Variants in JADE1 observed in about 807,000 individuals in gnomAD.
JADE1 encodes the protein jade family PHD finger 1, also known as protein Jade-1.
In JADE1, 14 loss-of-function variants were observed where a neutral mutation model predicts 81.8. The observed-to-expected ratio is 0.17, with a 90% CI of 0.11 to 0.27. The LOEUF is 0.27. Ranked by LOEUF, JADE1 falls within the 10% of genes least tolerant of loss-of-function variation. The pLI, the probability that JADE1 is intolerant of heterozygous loss-of-function variation, is 1.00. For missense variants in JADE1, 690 were observed against 1,047.9 expected, an observed-to-expected ratio of 0.66 and a Z score of 4.71; for synonymous variants, 353 against 391.9, an observed-to-expected ratio of 0.90 and a Z score of 1.17.
rs187415028 is a variant in JADE1, at chr4:128,859,321, C to T, written c.981+1867C>T. On this transcript the variant is annotated intron_variant, in intron 8 of 10. Coordinates refer to ENST00000226319, the MANE Select transcript of JADE1 (RefSeq NM_199320.4). ...GTGTATGCATGTGTATTTGGTTATG[C>T]ATATGTATGCTGTATGCATGTATGC... Among the ~76,000 whole-genome samples the T allele has an allele frequency of 1.1e-3, 173 of 151,440 alleles. 2 individuals carry two copies. Among genetic ancestry groups the T allele is most frequent in the Non-Finnish European group, 4.1e-4 (28 of 67,868 alleles).
rs1201744958 is a variant in JADE1, at chr4:128,842,841, A to G, written c.53-112A>G. 8 of 822,074 alleles carry G rather than the reference A, an allele frequency of 9.7e-6. No individual in the cohort carries two copies. In the Admixed American group the frequency reaches 1.4e-4, roughly 14 times the overall value. 50.9% of individuals were successfully genotyped at this position (822,074 alleles called of 1,614,324 possible). ...CCAGGAGGGCATCACAGGTGGTCTC[A>G]TGGTGCAGTGCTGAGGTGAGCCTGG... On this transcript the variant is annotated intron_variant, in intron 2 of 10. Coordinates refer to ENST00000226319, the MANE Select transcript of JADE1 (RefSeq NM_199320.4).
At chr4:128,824,660 A>G (rs1727885306) in intron 1 of JADE1, among the ~76,000 whole-genome samples, 2 of 152,220 alleles carry the variant, frequency 1.3e-5, no homozygotes, top group African/African-American at 4.8e-5. Context: ...ACATAAGGTA[A>G]CAGTACGGGA....
At chr4:128,863,544 G>A in intron 9 of JADE1, 1 of 985,408 alleles carries the variant, frequency 1.0e-6, no homozygotes, top group Non-Finnish European at 1.2e-6. Context: ...ACGACTGAGT[G>A]CCAGCTTATT....
chr4:128,835,999 G>A (rs376737901), intron 2 of JADE1, among the ~76,000 whole-genome samples: 8 of 152,176 alleles, frequency 5.3e-5, no homozygotes, highest in Non-Finnish European at 8.8e-5. Flanking sequence ...GGTGTTTGCA[G>A]GCAGCGTCTG....
rs1394692666 is a variant in JADE1, at chr4:128,812,453, C to T, written c.-27+2576C>T. On this transcript the variant is annotated intron_variant, in intron 1 of 10. Coordinates refer to ENST00000226319, the MANE Select transcript of JADE1 (RefSeq NM_199320.4). The stretch of plus-strand genomic sequence containing the variant: ...TCCCCCACAACCCCGGGGTGCCCCC[C>T]TTGCTGGGATCCTTAGCCTTCTCAC... Among the ~76,000 whole-genome samples the T allele has an allele frequency of 3.3e-5, 5 of 152,010 alleles. No individual in the cohort carries two copies. In the South Asian group the frequency reaches 1.0e-3, roughly 31 times the overall value.
intron 1 of JADE1, among the ~76,000 whole-genome samples, chr4:128,831,140 G>A (rs1034348784): frequency 6.6e-6 from 1 of 152,198 alleles, no homozygotes; most frequent in Non-Finnish European, 1.5e-5. Flanking sequence ...GATCAAAATT[G>A]TATAATGTCT....
In JADE1 at chr4:128,856,049, G is replaced by C. The variant is rs182917715; in HGVS notation, c.864+252G>C. Reference sequence around the variant, plus strand: ...GACCTGGCTGGTCTCAAACTCCTGGGATCAAGCAGTCCTCTTTCCTTGGCT... The same window carrying C: ...GACCTGGCTGGTCTCAAACTCCTGGCATCAAGCAGTCCTCTTTCCTTGGCT... On this transcript the variant is annotated intron_variant, in intron 7 of 10. Coordinates refer to ENST00000226319, the MANE Select transcript of JADE1 (RefSeq NM_199320.4). Among the ~76,000 whole-genome samples the C allele has an allele frequency of 5.6e-3, 859 of 152,178 alleles. 14 individuals are homozygous for C. The highest frequency in any genetic ancestry group is 0.02 in the African/African-American group (822 of 41,530).
Position 128,846,248 on chromosome 4 carries a change from T to C in JADE1, c.139-127T>C. 1.1e-6 allele frequency: 1 copy of C among 943,378 alleles called. No homozygotes were observed. The highest frequency in any genetic ancestry group is 2.1e-5 in the Admixed American group (1 of 46,998). 58.4% of individuals were successfully genotyped at this position (943,378 alleles called of 1,614,324 possible). A position where few individuals can be genotyped will look rare whatever the true frequency, so the allele number is the denominator to read the frequency against. ...TCAGGCAAAGTTTTTCTGTAATAGG[T>C]CAGGCTTGTTCTATGTTGATACAGT... On this transcript the variant is annotated intron_variant, in intron 3 of 10. Transcript: ENST00000226319. The surrounding 1 kb of genome is among the most constrained non-coding windows in gnomAD (Gnocchi z 4.0).
intron 9 of JADE1, among the ~76,000 whole-genome samples, chr4:128,866,104 G>A (rs1731760747): frequency 6.6e-6 from 1 of 152,204 alleles, no homozygotes; most frequent in Admixed American, 6.5e-5. Flanking sequence ...AGAGGAGGAT[G>A]TTAGCCACTT....
intron 7 of JADE1, 127 bp downstream of exon 7, chr4:128,855,924 A>T: frequency 2.9e-6 from 2 of 693,740 alleles, no homozygotes; most frequent in Non-Finnish European, 2.3e-6. Context: ...GGCTCAAGTG[A>T]TCCTCCCACC....
At chr4:128,863,405 AAC>A in intron 9 of JADE1, 1 of 985,502 alleles carries the variant, frequency 1.0e-6, no homozygotes, top group Middle Eastern at 5.2e-4. Context: ...AGTGGCCTGA[AAC>A]AGTGTAGGGA....
At chr4:128,852,347 AG>A (rs1273962633) in intron 6 of JADE1, 79 bp downstream of exon 6, 15 of 1,151,428 alleles carry the variant, frequency 1.3e-5, no homozygotes, top group Middle Eastern at 2.8e-4. Flanking sequence ...CCTGGAGTCC[AG>A]GATTCTTCCT....
intron 1 of JADE1, among the ~76,000 whole-genome samples, chr4:128,823,488 G>T (rs1727763195): frequency 6.6e-6 from 1 of 152,164 alleles, no homozygotes; most frequent in Non-Finnish European, 1.5e-5. Context: ...TATGTGGTCA[G>T]TTATCATAAT....
intron 1 of JADE1, among the ~76,000 whole-genome samples, chr4:128,830,199 A>G (rs956177573): frequency 6.7e-6 from 1 of 149,538 alleles, no homozygotes; most frequent in African/African-American, 2.5e-5. Flanking sequence ...TTTTTTCTCC[A>G]CACCATTCCT....
chr4:128,824,421 AAAAAT>A (rs70938442), intron 1 of JADE1, among the ~76,000 whole-genome samples: 29,014 of 151,882 alleles, frequency 0.19, 2,836 homozygotes, highest in Middle Eastern at 0.29. Flanking sequence ...CCAACTCAAA[AAAAAT>A]AAAATAAAAG....
intron 1 of JADE1, among the ~76,000 whole-genome samples, chr4:128,827,537 T>C (rs1728184277): frequency 6.6e-6 from 1 of 152,166 alleles, no homozygotes; most frequent in Admixed American, 6.5e-5. Flanking sequence ...TGGGGCTTGC[T>C]AGAACAGATG....
At position 128,871,062 on chromosome 4, in the gene JADE1, C is replaced by T. The variant is rs532412822; in HGVS notation, c.1622-293C>T. On this transcript the variant is annotated intron_variant, in intron 10 of 10. Coordinates refer to ENST00000226319, the MANE Select transcript of JADE1 (RefSeq NM_199320.4). This position sits in a 1 kb window ranked among gnomAD's most constrained non-coding sequence, Gnocchi z 4.1. Reference sequence around the variant, plus strand: ...TGATGAGTTCTGCATGGAGTCCGCTCTGAAAATCAGATCAGTTATTTTGTT... The same window carrying T: ...TGATGAGTTCTGCATGGAGTCCGCTTTGAAAATCAGATCAGTTATTTTGTT... 1.8e-4 allele frequency among the ~76,000 whole-genome samples: 28 copies of T among 152,282 alleles called. No homozygotes were observed. Among genetic ancestry groups the T allele is most frequent in the African/African-American group, 6.3e-4 (26 of 41,562 alleles).
intron 9 of JADE1, among the ~76,000 whole-genome samples, chr4:128,865,784 T>C (rs1347903378): frequency 6.6e-6 from 1 of 152,178 alleles, no homozygotes; most frequent in Non-Finnish European, 1.5e-5. Flanking sequence ...TGGTCAAAGC[T>C]ACCAAAATTA....
At chr4:128,859,564 T>C (rs201385404) in intron 8 of JADE1, among the ~76,000 whole-genome samples, 1 of 48,854 alleles carries the variant, frequency 2.0e-5, no homozygotes, top group East Asian at 1.3e-3. Context: ...TGTATGTGTG[T>C]GAGTATGCGT....
Sources: gnomAD v4.1 joint callset for allele counts (sites outside exome capture counted in the v4.1 genomes callset) on GRCh38, gnomAD v4.1.1 for gene constraint, Gnocchi (gnomAD v3.1) non-coding constraint, MANE v1.5 for transcripts, NCBI Gene and HGNC (gene_info 2026-07-23, HGNC 2026-07-21) for gene names.